The following ITCH variants were observed in gnomAD, a reference collection of about 807,000 sequenced individuals.
ITCH encodes itchy E3 ubiquitin protein ligase, also known as E3 ubiquitin-protein ligase Itchy homolog.
A neutral mutation model predicts 126.8 loss-of-function variants in ITCH; 28 were observed. That is an observed-to-expected ratio of 0.22 (90% CI 0.16 to 0.30). The LOEUF is 0.30. Among genes scored for constraint, ITCH ranks in the 10% least tolerant of loss-of-function variants. ITCH has a pLI of 1.00. For missense variants in ITCH, 631 were observed against 1,032.4 expected (o/e 0.61, Z 5.33); for synonymous variants, 342 against 340.0 (o/e 1.01, Z -0.06).
intron 23 of ITCH, among the ~76,000 whole-genome samples, chr20:34,497,884 G>C (rs1045856506): frequency 6.6e-6 from 1 of 152,184 alleles, no homozygotes; most frequent in African/African-American, 2.4e-5. Context: ...AGCCGTCATT[G>C]GTATTTCTGT....
At chr20:34,418,969 C>T (rs369988736) in intron 6 of ITCH, among the ~76,000 whole-genome samples, 4 of 152,100 alleles carry the variant, frequency 2.6e-5, no homozygotes, top group Non-Finnish European at 4.4e-5. Context: ...CCATGTTGGT[C>T]AGGCTGGTCT....
chr20:34,479,892 T>C (rs931924666), intron 18 of ITCH, 103 bp downstream of exon 18: 1 of 1,019,426 alleles, frequency 9.8e-7, no homozygotes, highest in African/African-American at 1.6e-5. Context: ...AAGTGGTTTT[T>C]TGTTTTGTTT....
chr20:34,467,016 T>C (rs564152630), intron 14 of ITCH, among the ~76,000 whole-genome samples: 13 of 152,238 alleles, frequency 8.5e-5, no homozygotes, highest in Middle Eastern at 3.4e-3. Context: ...ATTAATAATA[T>C]TAACAACCCT....
intron 14 of ITCH, among the ~76,000 whole-genome samples, chr20:34,464,791 A>G (rs1986891498): frequency 6.6e-6 from 1 of 151,694 alleles, no homozygotes; most frequent in Admixed American, 6.6e-5. Flanking sequence ...GCTCACTGCA[A>G]CCTCTACCGC....
At position 34,511,585 on chromosome 20, in the gene ITCH, C is replaced by T. The variant is rs990906004; in HGVS notation, c.*3791C>T. Among the ~76,000 whole-genome samples the T allele has an allele frequency of 3.9e-5, 6 of 152,108 alleles. No homozygotes were observed. The highest frequency in any genetic ancestry group is 2.1e-4 in the South Asian group (1 of 4,820). ...AATCAAGGGTTGGACTGCTTATTCT[C>T]GCAGCCCAATAATGAGGTGCAGATG... On this transcript the variant is annotated 3_prime_UTR_variant, in exon 25 of 25. Transcript: ENST00000374864.
At chr20:34,418,912 C>A (rs1477812528) in intron 6 of ITCH, among the ~76,000 whole-genome samples, 3 of 151,950 alleles carry the variant, frequency 2.0e-5, no homozygotes, top group Admixed American at 6.6e-5. Flanking sequence ...CAGGCAAGCG[C>A]CACCACGCCC....
chr20:34,383,836 CTTTTTTTTTT>C (rs745864966), intron 2 of ITCH, among the ~76,000 whole-genome samples: 15 of 68,674 alleles, frequency 2.2e-4, no homozygotes, highest in African/African-American at 8.4e-4. Context: ...GTCTGTAATT[CTTTTTTTTTT>C]TTTTTTTTTT....
At chr20:34,376,341 T>G (rs1315821726) in intron 2 of ITCH, among the ~76,000 whole-genome samples, 1 of 151,918 alleles carries the variant, frequency 6.6e-6, no homozygotes, top group African/African-American at 2.4e-5. Flanking sequence ...AAGGGTCGCT[T>G]AAGCCCAGGA....
At chr20:34,376,806 G>A (rs1159661094) in intron 2 of ITCH, among the ~76,000 whole-genome samples, 2 of 152,144 alleles carry the variant, frequency 1.3e-5, no homozygotes, top group African/African-American at 4.8e-5. Flanking sequence ...TTGGAGGCAG[G>A]GAGACTAGGC....
At chr20:34,418,204 ATCC>A (rs1241947416) in intron 6 of ITCH, among the ~76,000 whole-genome samples, 4 of 151,932 alleles carry the variant, frequency 2.6e-5, no homozygotes, top group Admixed American at 6.6e-5. Context: ...AGCTCAGGCA[ATCC>A]TCCTGCTTCG....
intron 14 of ITCH, chr20:34,466,235 T>G (rs1878128308): frequency 5.2e-6 from 2 of 384,960 alleles, no homozygotes; most frequent in Non-Finnish European, 1.0e-5. Context: ...TTTTCATAGG[T>G]TGAACCTTTT....
At position 34,413,813 on chromosome 20, in the gene ITCH, A is replaced by G. The variant is rs138451400; in HGVS notation, c.409A>G (p.Ile137Val). 9.5e-5 allele frequency: 154 copies of G among 1,613,448 alleles called. No homozygotes were observed. The highest frequency in any genetic ancestry group is 1.2e-4 in the Non-Finnish European group (136 of 1,179,566). ...EPTETIGDLS[I>V]CLDGLQLESE... ...AACAGAGACAATAGGAGACTTGTCA[A>G]TTTGTCTTGATGGGCTACAGTTAGA... is the stretch of plus-strand genomic sequence containing the variant. The change falls in exon 6 of 25, where the codon ATT becomes GTT. Residue 137 changes from isoleucine (I) to valine (V), a missense_variant. By Grantham distance (29) the Ile-to-Val change is conservative. Around this residue, in one of 4 missense-constraint regions of ITCH, gnomAD observed 220 missense variants for 265.7 expected, o/e 0.83. Transcript: ENST00000374864.
At chr20:34,493,250 A>C (rs1306809495) in intron 23 of ITCH, among the ~76,000 whole-genome samples, 1 of 152,224 alleles carries the variant, frequency 6.6e-6, no homozygotes, top group East Asian at 1.9e-4. Context: ...CAGAGAGTCA[A>C]AATTAGAACT....
At chr20:34,453,680 G>C (rs1351653342) in intron 12 of ITCH, among the ~76,000 whole-genome samples, 1 of 151,958 alleles carries the variant, frequency 6.6e-6, no homozygotes, top group African/African-American at 2.4e-5. Context: ...AAATTATTTG[G>C]ATATATATTT....
In ITCH at chr20:34,508,657, C is replaced by G. The variant is rs1032268053; in HGVS notation, c.*863C>G. 1 of 151,352 alleles carries G rather than the reference C, an allele frequency of 6.6e-6. No individual in the cohort carries two copies. Among genetic ancestry groups the G allele is most frequent in the African/African-American group, 2.4e-5 (1 of 41,120 alleles). 9.4% of individuals were successfully genotyped at this position (151,352 alleles called of 1,614,324 possible). A position where few individuals can be genotyped will look rare whatever the true frequency, so the allele number is the denominator to read the frequency against. On this transcript the variant is annotated 3_prime_UTR_variant, in exon 25 of 25. Coordinates refer to ENST00000374864, the MANE Select transcript of ITCH (RefSeq NM_031483.7). ...GAGACCCTGTCTTTTTTTTGGGCAG[C>G]GTGGTGGGGGATAAATAAATAAAAG...
intron 3 of ITCH, among the ~76,000 whole-genome samples, chr20:34,405,970 G>T (rs1263747833): frequency 6.6e-6 from 1 of 151,812 alleles, no homozygotes; most frequent in East Asian, 1.9e-4. Context: ...TTCTGAAAAA[G>T]ACTTTCTATT....
At chr20:34,432,469 AAAG>A (rs1982441810) in intron 7 of ITCH, among the ~76,000 whole-genome samples, 1 of 152,226 alleles carries the variant, frequency 6.6e-6, no homozygotes. Flanking sequence ...ATAGTTCATG[AAAG>A]AAGAAACTGT....
intron 6 of ITCH, among the ~76,000 whole-genome samples, 183 bp from the exon 7 acceptor site, chr20:34,424,297 C>CT (rs774891635): frequency 9.2e-5 from 14 of 152,044 alleles, no homozygotes; most frequent in Admixed American, 7.2e-4. Flanking sequence ...TTTTGGCAGA[C>CT]TTTTTTTGCA....
chr20:34,480,402 A>C (rs1043566152), intron 18 of ITCH, among the ~76,000 whole-genome samples, 197 bp from the exon 19 acceptor site: 2 of 150,566 alleles, frequency 1.3e-5, no homozygotes, highest in Admixed American at 1.3e-4. Flanking sequence ...GGGTTTCTCC[A>C]TGTTGGTCAG....
Sources: allele counts gnomAD v4.1 joint callset (sites outside exome capture counted in the v4.1 genomes callset), GRCh38; gene constraint gnomAD v4.1.1; regional missense constraint gnomAD v4.1.1; transcripts MANE v1.5; gene names NCBI Gene and HGNC (gene_info 2026-07-23, HGNC 2026-07-21).